The following RBPJ variants were observed in gnomAD, a reference collection of about 807,000 sequenced individuals.
The protein encoded by RBPJ is recombining binding protein suppressor of hairless.
In RBPJ, 9 loss-of-function variants were observed where a neutral mutation model predicts 67.8. The observed-to-expected ratio is 0.13, with a 90% CI of 0.08 to 0.23. The LOEUF (loss-of-function observed/expected upper bound fraction) is 0.23, where lower values mean the gene tolerates loss of function less well. RBPJ is among the 10% of genes least tolerant of loss of function. The pLI, the probability that RBPJ is intolerant of heterozygous loss-of-function variation, is 1.00. For synonymous variants in RBPJ, 198 were observed against 203.3 expected (o/e 0.97, Z 0.22); for missense variants, 305 against 595.6 (o/e 0.51, Z 5.08).
intron 1 of RBPJ, among the ~76,000 whole-genome samples, chr4:26,306,475 A>G (rs10939102): frequency 0.89 from 134,232 of 151,022 alleles, 59,895 homozygotes; most frequent in African/African-American, 0.97. Context: ...TATTTGAGAC[A>G]AAGTCACTCT....
intron 1 of RBPJ, chr4:26,362,448 A>G: frequency 7.0e-7 from 1 of 1,433,750 alleles, no homozygotes; most frequent in Non-Finnish European, 9.1e-7. Context: ...TTTTTAAGTC[A>G]TTGAAATTAT....
At chr4:26,391,066 T>C (rs1014170354) in intron 2 of RBPJ, among the ~76,000 whole-genome samples, 2 of 152,190 alleles carry the variant, frequency 1.3e-5, no homozygotes, top group Non-Finnish European at 2.9e-5. Flanking sequence ...CAAATAAATA[T>C]ATATATGGTT....
At chr4:26,288,563 A>C (rs533163579) in intron 1 of RBPJ, among the ~76,000 whole-genome samples, 1 of 152,356 alleles carries the variant, frequency 6.6e-6, no homozygotes, top group East Asian at 1.9e-4. Context: ...CTGACTACAG[A>C]CCACACCCTA....
chr4:26,132,198 A>AT, the RBPJ span, among the ~76,000 whole-genome samples: 3 of 151,724 alleles, frequency 2.0e-5, no homozygotes, highest in East Asian at 5.8e-4. Flanking sequence ...CTGACTAACT[A>AT]TTTTTTTAGG....
intron 1 of RBPJ, chr4:26,362,291 C>A: frequency 3.2e-6 from 1 of 313,576 alleles, no homozygotes. Context: ...TCACTCTATT[C>A]CTCATTCATA....
the RBPJ span, among the ~76,000 whole-genome samples, chr4:26,128,973 G>A: frequency 1.3e-5 from 2 of 152,314 alleles, no homozygotes; most frequent in Admixed American, 1.3e-4. Flanking sequence ...GTGGAACTAT[G>A]AGTCCATTAA....
At chr4:26,123,424 C>G in the RBPJ span, among the ~76,000 whole-genome samples, 13 of 152,180 alleles carry the variant, frequency 8.5e-5, no homozygotes, top group East Asian at 1.2e-3. Flanking sequence ...TGAGTGGATG[C>G]GAAGGCCTAG....
intron 1 of RBPJ, among the ~76,000 whole-genome samples, chr4:26,231,816 T>G (rs1719296840): frequency 6.6e-6 from 1 of 152,078 alleles, no homozygotes; most frequent in African/African-American, 2.4e-5. Context: ...CCCAAAATGC[T>G]GGGATTATAA....
intron 1 of RBPJ, among the ~76,000 whole-genome samples, chr4:26,195,874 G>T (rs181923493): frequency 6.6e-6 from 1 of 152,180 alleles, no homozygotes; most frequent in African/African-American, 2.4e-5. Flanking sequence ...GATTACAGGC[G>T]TGAGCCACCG....
chr4:26,254,130 T>G (rs1720214273), intron 1 of RBPJ, among the ~76,000 whole-genome samples: 1 of 149,064 alleles, frequency 6.7e-6, no homozygotes. Context: ...CACATCATTC[T>G]GCACCTAAAC....
At chr4:26,282,252 AT>A (rs1721301079) in intron 1 of RBPJ, among the ~76,000 whole-genome samples, 1 of 152,020 alleles carries the variant, frequency 6.6e-6, no homozygotes, top group African/African-American at 2.4e-5. Context: ...TGAAAAAAAA[AT>A]GTCCATTTCT....
intron 1 of RBPJ, among the ~76,000 whole-genome samples, chr4:26,262,298 C>G (rs1446987013): frequency 6.6e-6 from 1 of 152,102 alleles, no homozygotes; most frequent in Non-Finnish European, 1.5e-5. Flanking sequence ...TGGACTAGAA[C>G]CCCTAGGCTC....
At position 26,343,911 on chromosome 4, in the gene RBPJ, C is replaced by T. The variant is rs191963889; in HGVS notation, c.20+22863C>T. On this transcript the variant is annotated intron_variant, in intron 1 of 10. Coordinates refer to ENST00000355476, the MANE Select transcript of RBPJ (RefSeq NM_015874.6). ...GATTACAGGCGCCCGCCACCACACT[C>T]GGCTAATTTTTGTATTTTTAGTAGG... Among the ~76,000 whole-genome samples the T allele has an allele frequency of 5.9e-5, 9 of 152,016 alleles. No individual in the cohort carries two copies. The East Asian group carries it at 1.5e-3, about 26-fold the overall frequency.
At chr4:26,406,711 AAAT>A (rs1733454848) in intron 3 of RBPJ, among the ~76,000 whole-genome samples, 1 of 152,220 alleles carries the variant, frequency 6.6e-6, no homozygotes, top group African/African-American at 2.4e-5. Flanking sequence ...AAACTTTCCT[AAAT>A]ACGTTAAGTG....
chr4:26,428,474 AT>A (rs950635729), intron 7 of RBPJ: 37,130 of 314,740 alleles, frequency 0.12, no homozygotes, highest in East Asian at 0.16. Flanking sequence ...TGCCTGCCTG[AT>A]TTTTTTTTTT....
intron 1 of RBPJ, among the ~76,000 whole-genome samples, chr4:26,189,298 C>A (rs539079066): frequency 6.6e-6 from 1 of 152,140 alleles, no homozygotes; most frequent in Non-Finnish European, 1.5e-5. Context: ...TAATGGAAAA[C>A]AAACTACATC....
intron 1 of RBPJ, among the ~76,000 whole-genome samples, chr4:26,340,017 TAA>T (rs373424390): frequency 7.0e-6 from 1 of 143,524 alleles, no homozygotes; most frequent in African/African-American, 2.6e-5. Context: ...AGACTCCATC[TAA>T]AAAAAAAAAA....
intron 1 of RBPJ, among the ~76,000 whole-genome samples, chr4:26,226,257 G>T (rs1719072662): frequency 6.6e-6 from 1 of 152,010 alleles, no homozygotes; most frequent in Admixed American, 6.6e-5. Context: ...TTGAAGCCAG[G>T]AGTCTAAGAC....
intron 1 of RBPJ, among the ~76,000 whole-genome samples, chr4:26,205,334 C>T (rs1048807189): frequency 5.9e-5 from 9 of 152,220 alleles, no homozygotes; most frequent in African/African-American, 2.2e-4. Context: ...GAACCCAACA[C>T]AGACCATGGA....
Sources: gnomAD v4.1 joint callset for allele counts (sites outside exome capture counted in the v4.1 genomes callset) on GRCh38, gnomAD v4.1.1 for gene constraint, MANE v1.5 for transcripts, NCBI Gene and HGNC (gene_info 2026-07-23, HGNC 2026-07-21) for gene names.